Variants in GRID2IP observed in about 807,000 individuals in gnomAD.
GRID2IP encodes the protein Grid2 interacting protein.
Under a neutral mutation model 114.3 loss-of-function variants are expected in GRID2IP, and 78 were observed. The observed-to-expected ratio is 0.68, with a 90% CI of 0.57 to 0.82. The LOEUF (loss-of-function observed/expected upper bound fraction) is 0.82, where lower values mean the gene tolerates loss of function less well. Among genes scored for constraint, GRID2IP ranks in the 40% least tolerant of loss-of-function variants. GRID2IP has a pLI of 0.00. For synonymous variants in GRID2IP, 809 were observed against 724.0 expected (o/e 1.12, Z -1.89); for missense variants, 1,727 against 1,678.5 (o/e 1.03, Z -0.51).
Position 6,509,099 on chromosome 7 carries a change from G to A in GRID2IP, c.1986C>T (p.Pro662=), listed in dbSNP as rs1430178292. 8.1e-6 allele frequency: 12 copies of A among 1,482,888 alleles called. No individual in the cohort carries two copies. The highest frequency in any genetic ancestry group is 1.1e-5 in the Non-Finnish European group (12 of 1,115,792). The allele number at this position is 1,482,888 out of a possible 1,614,324, so 91.9% of individuals were successfully genotyped here. ...SPPSPDPTRP[P]SRRKLFTFSH... is the part of the protein sequence containing the mutation. The stretch of plus-strand genomic sequence containing the variant: ...AGAAGGTGAAGAGCTTCCTGCGGCT[G>A]GGCGGGCGGGTGGGGTCCGGGCTTG... Residue 662 remains proline (P), a synonymous_variant, in exon 12 of 22, where the codon CCC becomes CCT. Coordinates refer to ENST00000457091, the MANE Select transcript of GRID2IP (RefSeq NM_001145118.2). The surrounding 1 kb of genome is among the most constrained non-coding windows in gnomAD (Gnocchi z 4.9).
At chr7:6,539,917 G>A in intron 1 of GRID2IP, 45 bp from the exon 2 acceptor site, 1 of 1,496,546 alleles carries the variant, frequency 6.7e-7, no homozygotes, top group African/African-American at 1.4e-5. Context: ...ATCCAGAGTG[G>A]AACCCTGGAG....
chr7:6,549,263 T>C (rs1779931756), intron 1 of GRID2IP, among the ~76,000 whole-genome samples: 1 of 152,222 alleles, frequency 6.6e-6, no homozygotes, highest in Non-Finnish European at 1.5e-5. Context: ...TGAGACCGAC[T>C]CTATCCTCCC....
intron 1 of GRID2IP, among the ~76,000 whole-genome samples, chr7:6,548,333 G>C (rs911268095): frequency 3.3e-5 from 5 of 152,018 alleles, no homozygotes; most frequent in African/African-American, 1.2e-4. Context: ...CTGGGCAACA[G>C]AGCGAGACTC....
chr7:6,549,190 T>A (rs1322163591), intron 1 of GRID2IP, among the ~76,000 whole-genome samples: 6 of 152,200 alleles, frequency 3.9e-5, no homozygotes, highest in African/African-American at 1.4e-4. Flanking sequence ...TTCTTGGAAT[T>A]GCCTGGATCT....
rs749603368 is a variant in GRID2IP at position 6,551,334 on chromosome 7, C to T, written c.103G>A (p.Gly35Arg). Residue 35 changes from glycine to arginine, a missense_variant, in exon 1 of 22, where the codon GGG becomes AGG. By Grantham distance (125) the Gly-to-Arg change is moderately radical. Coordinates refer to ENST00000457091, the MANE Select transcript of GRID2IP (RefSeq NM_001145118.2). The part of the protein sequence containing the change: ...GPCFVLEVAK[G>R]SSAHAGGLRP... The stretch of plus-strand genomic sequence containing the variant: ...AGTCCTCCGGCATGCGCGCTGCTCC[C>T]CTTGGCCACCTCCAGGACGAAGCAG... 1.3e-6 allele frequency: 2 copies of T among 1,548,208 alleles called. No individual in the cohort carries two copies. The highest frequency in any genetic ancestry group is 1.2e-5 in the South Asian group (1 of 84,024).
chr7:6,507,250 G>A lies in GRID2IP; in HGVS notation c.2544+735C>T, dbSNP rs1176149866. ...AAGGAGTATGATGTCCCAGTCAAAG[G>A]AGCTGAGAACCCTGTTCTCTCCTCT... On this transcript the variant is annotated intron_variant, in intron 13 of 21. Coordinates refer to ENST00000457091, the MANE Select transcript of GRID2IP (RefSeq NM_001145118.2). This position sits in a 1 kb window ranked among gnomAD's most constrained non-coding sequence, Gnocchi z 5.3. 1.3e-5 allele frequency among the ~76,000 whole-genome samples: 2 copies of A among 152,222 alleles called. No homozygotes were observed. Among genetic ancestry groups the A allele is most frequent in the African/African-American group, 4.8e-5 (2 of 41,468 alleles).
rs1305011755 is a variant in GRID2IP, at chr7:6,506,221, C to T, written c.2545-314G>A. Among the ~76,000 whole-genome samples the T allele has an allele frequency of 6.6e-6, 1 of 152,198 alleles. No individual in the cohort carries two copies. Among genetic ancestry groups the T allele is most frequent in the African/African-American group, 2.4e-5 (1 of 41,448 alleles). On this transcript the variant is annotated intron_variant, in intron 13 of 21. Transcript: ENST00000457091. The surrounding 1 kb of genome is among the most constrained non-coding windows in gnomAD (Gnocchi z 5.2). ...GAGGCTAGAGCCAAGTAAGGGGCTA[C>T]CGGAGGTGGCTCAGGGGTCTGGCTC...
chr7:6,542,564 G>A (rs1191768734), intron 1 of GRID2IP, among the ~76,000 whole-genome samples: 1 of 152,096 alleles, frequency 6.6e-6, no homozygotes, highest in Non-Finnish European at 1.5e-5. Flanking sequence ...AGGCTGAAGT[G>A]AGAGGATCAC....
At chr7:6,502,974 C>T in intron 17 of GRID2IP, 34 bp downstream of exon 17, 2 of 1,551,068 alleles carry the variant, frequency 1.3e-6, no homozygotes, top group Non-Finnish European at 1.7e-6. Flanking sequence ...GGCAGAGAAG[C>T]AGATAGGGTG....
chr7:6,521,418 G>A lies in GRID2IP; in HGVS notation c.1084+11C>T. 6.5e-7 allele frequency: 1 copy of A among 1,529,610 alleles called. No homozygotes were observed. Among genetic ancestry groups the A allele is most frequent in the Non-Finnish European group, 8.8e-7 (1 of 1,134,198 alleles). The allele number at this position is 1,529,610 out of a possible 1,614,324, so 94.8% of individuals were successfully genotyped here. A position where few individuals can be genotyped will look rare whatever the true frequency, so the allele number is the denominator to read the frequency against. ...GGGGCCAAGGAAGCCAAGTGTCCAT[G>A]GGGGTCTCACCACTGGCAAATGGGA... On this transcript the variant is annotated intron_variant, in intron 6 of 21. Coordinates refer to ENST00000457091, the MANE Select transcript of GRID2IP (RefSeq NM_001145118.2). This position sits in a 1 kb window ranked among gnomAD's most constrained non-coding sequence, Gnocchi z 4.1.
intron 9 of GRID2IP, 86 bp from the exon 10 acceptor site, chr7:6,510,792 G>A: frequency 6.8e-7 from 1 of 1,469,516 alleles, no homozygotes; most frequent in Non-Finnish European, 9.3e-7. Context: ...GACCCAGGAG[G>A]GCCAATCCTG....
intron 7 of GRID2IP, among the ~76,000 whole-genome samples, chr7:6,515,017 G>A (rs1287513155): frequency 6.6e-6 from 1 of 151,594 alleles, no homozygotes; most frequent in Non-Finnish European, 1.5e-5. Flanking sequence ...AGGCTCCAGG[G>A]ATAGGGTAGC....
In GRID2IP at chr7:6,507,885, A is replaced by G; in HGVS notation, c.2544+100T>C. ...TCATCCTCTGCTTGGGGTAGGGAGG[A>G]TGATGTTGGAAGATGCCTGGCCGAT... On this transcript the variant is annotated intron_variant, in intron 13 of 21. Transcript: ENST00000457091. The surrounding 1 kb of genome is among the most constrained non-coding windows in gnomAD (Gnocchi z 5.3). 1 of 1,487,918 alleles carries G rather than the reference A, an allele frequency of 6.7e-7. No individual in the cohort carries two copies. Among genetic ancestry groups the G allele is most frequent in the Non-Finnish European group, 9.0e-7 (1 of 1,115,846 alleles). The allele number at this position is 1,487,918 out of a possible 1,614,324, so 92.2% of individuals were successfully genotyped here. A position where few individuals can be genotyped will look rare whatever the true frequency, so the allele number is the denominator to read the frequency against.
chr7:6,520,478 C>A lies in GRID2IP; in HGVS notation c.1268+100G>T. 1.5e-6 allele frequency: 2 copies of A among 1,298,548 alleles called. No individual in the cohort carries two copies. Among genetic ancestry groups the A allele is most frequent in the Non-Finnish European group, 1.0e-6 (1 of 958,858 alleles). 80.4% of individuals were successfully genotyped at this position (1,298,548 alleles called of 1,614,324 possible). A position where few individuals can be genotyped will look rare whatever the true frequency, so the allele number is the denominator to read the frequency against. On this transcript the variant is annotated intron_variant, in intron 7 of 21. Coordinates refer to ENST00000457091, the MANE Select transcript of GRID2IP (RefSeq NM_001145118.2). This position sits in a 1 kb window ranked among gnomAD's most constrained non-coding sequence, Gnocchi z 4.6. ...CCTTCCTGAGCATCCCCCAGGAGAA[C>A]GGGACTGAGGAGGTTCAGGCAGGGA...
chr7:6,502,129 C>A lies in GRID2IP; in HGVS notation c.3151-11G>T, dbSNP rs749451543. 42 of 1,550,778 alleles carry A rather than the reference C, an allele frequency of 2.7e-5. No homozygotes were observed. The highest frequency in any genetic ancestry group is 3.4e-5 in the Non-Finnish European group (39 of 1,146,640). On this transcript the variant is annotated splice_polypyrimidine_tract_variant and intron_variant, in intron 18 of 21. Coordinates refer to ENST00000457091, the MANE Select transcript of GRID2IP (RefSeq NM_001145118.2). ...CTTGGTGGAGTTCAGCTGCAAGTGA[C>A]CCCCAATATACATTCCCGTCAAGGA...
intron 8 of GRID2IP, among the ~76,000 whole-genome samples, chr7:6,511,429 G>A (rs532718464): frequency 1.4e-4 from 21 of 152,202 alleles, no homozygotes; most frequent in South Asian, 1.0e-3. Context: ...TGGGAGTGCA[G>A]TGGTGCAATC....
At chr7:6,505,357 C>CTTT (rs11352946) in intron 14 of GRID2IP, among the ~76,000 whole-genome samples, 4 of 119,434 alleles carry the variant, frequency 3.3e-5, no homozygotes, top group South Asian at 2.6e-4. Flanking sequence ...TAAATGCCAG[C>CTTT]TTTTTTTTTT....
chr7:6,535,398 A>C (rs1779708066), intron 2 of GRID2IP, among the ~76,000 whole-genome samples: 1 of 152,242 alleles, frequency 6.6e-6, no homozygotes, highest in African/African-American at 2.4e-5. Flanking sequence ...TCATGGTGTC[A>C]CTGCTCCCTT....
In GRID2IP at chr7:6,551,062, G is replaced by A. The variant is rs6463571; in HGVS notation, c.375C>T (p.Arg125=). 1,134,540 of 1,312,010 alleles carry A rather than the reference G, an allele frequency of 0.86. 495,461 individuals carry two copies. The highest frequency in any genetic ancestry group is 0.97 in the African/African-American group (62,978 of 64,734). The allele number at this position is 1,312,010 out of a possible 1,614,324, so 81.3% of individuals were successfully genotyped here. ...TGCGCTCTCGGTGCACCGCGTCCGG[G>A]CGCTTGCGGCCGGCCAGGCGAAGCA... ...RELLRLAGRK[R]PDAVHRERRR... is the part of the protein sequence containing the mutation. The change falls in exon 1 of 22, where the codon CGC becomes CGT. Residue 125 remains arginine, a synonymous_variant. Coordinates refer to ENST00000457091, the MANE Select transcript of GRID2IP (RefSeq NM_001145118.2).
Sources: gnomAD v4.1 joint callset for allele counts (sites outside exome capture counted in the v4.1 genomes callset) on GRCh38, gnomAD v4.1.1 for gene constraint, Gnocchi (gnomAD v3.1) non-coding constraint, MANE v1.5 for transcripts, NCBI Gene and HGNC (gene_info 2026-07-23, HGNC 2026-07-21) for gene names.